HS3ST3A1: variants seen among roughly 807,000 people sequenced by gnomAD.
HS3ST3A1 encodes the protein heparan sulfate glucosamine 3-O-sulfotransferase 3A1.
HS3ST3A1 carries 19 observed loss-of-function variants against 25.7 expected under a neutral mutation model. The observed-to-expected ratio is 0.74, with a 90% CI of 0.52 to 1.08. The LOEUF is 1.08. Ranked by LOEUF, HS3ST3A1 falls within the 50% of genes least tolerant of loss-of-function variation. The pLI is 0.00. For missense variants in HS3ST3A1, 459 were observed against 594.3 expected (o/e 0.77, Z 2.37); for synonymous variants, 226 against 278.6 (o/e 0.81, Z 1.88).
At chr17:13,544,525 A>G (rs574494574) in intron 1 of HS3ST3A1, among the ~76,000 whole-genome samples, 2 of 152,260 alleles carry the variant, frequency 1.3e-5, no homozygotes, top group Non-Finnish European at 2.9e-5. Context: ...ATCACTTTTC[A>G]GGCCCTGCGC....
chr17:13,582,964 C>T (rs779184178), intron 1 of HS3ST3A1, among the ~76,000 whole-genome samples: 1 of 152,166 alleles, frequency 6.6e-6, no homozygotes, highest in African/African-American at 2.4e-5. Flanking sequence ...GAAGATGTTA[C>T]AGCCATTCAT....
At chr17:13,537,387 G>T (rs953078909) in intron 1 of HS3ST3A1, among the ~76,000 whole-genome samples, 3 of 152,122 alleles carry the variant, frequency 2.0e-5, no homozygotes, top group African/African-American at 4.8e-5. Flanking sequence ...CTTTCTATTT[G>T]GCAGGCTGCC....
At chr17:13,503,973 G>A (rs1478150206) in intron 1 of HS3ST3A1, among the ~76,000 whole-genome samples, 1 of 152,178 alleles carries the variant, frequency 6.6e-6, no homozygotes, top group Non-Finnish European at 1.5e-5. Flanking sequence ...ATAGACGCAC[G>A]TAGACACATA....
At chr17:13,599,798 T>G (rs1908671413) in intron 1 of HS3ST3A1, among the ~76,000 whole-genome samples, 1 of 152,246 alleles carries the variant, frequency 6.6e-6, no homozygotes, top group African/African-American at 2.4e-5. Context: ...TTTAATTGGC[T>G]ACCTTATTTG....
At chr17:13,586,072 C>T (rs778459270) in intron 1 of HS3ST3A1, among the ~76,000 whole-genome samples, 4 of 151,750 alleles carry the variant, frequency 2.6e-5, no homozygotes, top group Non-Finnish European at 5.9e-5. Flanking sequence ...TGGTCTTAAT[C>T]TCCTGACCTC....
In HS3ST3A1 at chr17:13,526,439, T is replaced by G. The variant is rs1598414383; in HGVS notation, c.600-29621A>C. ...AGGAAACACTTAAAGCAAAAATTTTTATTGCCATATTGAACTTGGATACAA... is the reference window on the plus strand; with the variant it reads ...AGGAAACACTTAAAGCAAAAATTTTGATTGCCATATTGAACTTGGATACAA... On this transcript the variant is annotated intron_variant, in intron 1 of 1. Coordinates refer to ENST00000284110, the MANE Select transcript of HS3ST3A1 (RefSeq NM_006042.3). Among the ~76,000 whole-genome samples the G allele has an allele frequency of 6.3e-5, 9 of 143,670 alleles. No individual in the cohort carries two copies. In the South Asian group the frequency reaches 2.0e-3, roughly 32 times the overall value. 94.3% of individuals were successfully genotyped at this position (143,670 alleles called of 152,430 possible). A position where few individuals can be genotyped will look rare whatever the true frequency, so the allele number is the denominator to read the frequency against.
intron 1 of HS3ST3A1, among the ~76,000 whole-genome samples, chr17:13,595,436 A>G (rs140325451): frequency 2.2e-3 from 340 of 152,334 alleles, no homozygotes; most frequent in Non-Finnish European, 4.3e-3. Flanking sequence ...TATTCACTAT[A>G]TAAATATCCC....
chr17:13,584,310 CAA>C (rs1160360464), intron 1 of HS3ST3A1, among the ~76,000 whole-genome samples: 1 of 151,658 alleles, frequency 6.6e-6, no homozygotes, highest in Non-Finnish European at 1.5e-5. Context: ...ATGCTTTTAC[CAA>C]AATGTTCACG....
At position 13,495,303 on chromosome 17, in the gene HS3ST3A1, T is replaced by C. The variant is rs1045717711; in HGVS notation, c.*894A>G. Among the ~76,000 whole-genome samples the C allele has an allele frequency of 6.6e-6, 1 of 152,162 alleles. No individual in the cohort carries two copies. Among genetic ancestry groups the C allele is most frequent in the Admixed American group, 6.5e-5 (1 of 15,274 alleles). ...GCATTCATCAGTCAAGATTTCCATA[T>C]CTCAGTGTACTTTAAATAGCCAAGA... On this transcript the variant is annotated 3_prime_UTR_variant, in exon 2 of 2. Transcript: ENST00000284110.
chr17:13,538,531 C>T (rs1906835189), intron 1 of HS3ST3A1, among the ~76,000 whole-genome samples: 1 of 152,168 alleles, frequency 6.6e-6, no homozygotes, highest in African/African-American at 2.4e-5. Context: ...TTGTGGGCCA[C>T]CTGTCCATGT....
At position 13,547,944 on chromosome 17, in the gene HS3ST3A1, CAAA is replaced by C. The variant is rs750200323; in HGVS notation, c.600-51129_600-51127del. Among the ~76,000 whole-genome samples the C allele has an allele frequency of 6.4e-3, 343 of 53,390 alleles. 4 individuals are homozygous for C. The highest frequency in any genetic ancestry group is 0.015 in the African/African-American group (297 of 19,866). 35.0% of individuals were successfully genotyped at this position (53,390 alleles called of 152,430 possible). A position where few individuals can be genotyped will look rare whatever the true frequency, so the allele number is the denominator to read the frequency against. On this transcript the variant is annotated intron_variant, in intron 1 of 1. Coordinates refer to ENST00000284110, the MANE Select transcript of HS3ST3A1 (RefSeq NM_006042.3). ...AGTTGGAGAATTGGTTGGTGTGAGC[CAAA>C]AAAAAAAAAAAAAAAACCACACGTT...
At chr17:13,536,299 CA>C (rs11422560) in intron 1 of HS3ST3A1, among the ~76,000 whole-genome samples, 484 of 142,268 alleles carry the variant, frequency 3.4e-3, no homozygotes, top group Middle Eastern at 0.012. Context: ...TGTTTGGAGA[CA>C]AAAAAAAAAA....
At chr17:13,547,943 C>CAAA (rs1567620537) in intron 1 of HS3ST3A1, among the ~76,000 whole-genome samples, 12 of 83,844 alleles carry the variant, frequency 1.4e-4, no homozygotes, top group African/African-American at 7.4e-4. Context: ...TTGGTGTGAG[C>CAAA]CAAAAAAAAA....
At position 13,495,104 on chromosome 17, in the gene HS3ST3A1, A is replaced by G. The variant is rs1248456525; in HGVS notation, c.*1093T>C. ...TAAAAAGAGGTAAACTAAAAAACAA[A>G]TGAGACTCATACCTGTAAGTGCTAA... is the stretch of plus-strand genomic sequence containing the variant. On this transcript the variant is annotated 3_prime_UTR_variant, in exon 2 of 2. Coordinates refer to ENST00000284110, the MANE Select transcript of HS3ST3A1 (RefSeq NM_006042.3). Among the ~76,000 whole-genome samples, 2 of 152,142 alleles carry G rather than the reference A, an allele frequency of 1.3e-5. No individual in the cohort carries two copies. The highest frequency in any genetic ancestry group is 2.9e-5 in the Non-Finnish European group (2 of 68,014).
intron 1 of HS3ST3A1, among the ~76,000 whole-genome samples, chr17:13,506,901 C>CAAA (rs958583882): frequency 4.0e-5 from 4 of 101,210 alleles, no homozygotes; most frequent in African/African-American, 1.4e-4. Context: ...TACTAAAATA[C>CAAA]AAAAAAAAAA....
At chr17:13,576,033 G>A (rs896348951) in intron 1 of HS3ST3A1, among the ~76,000 whole-genome samples, 1 of 152,178 alleles carries the variant, frequency 6.6e-6, no homozygotes, top group Admixed American at 6.6e-5. Flanking sequence ...GGTATTTCTG[G>A]GACTGAGGCC....
chr17:13,512,096 G>A (rs369431274), intron 1 of HS3ST3A1, among the ~76,000 whole-genome samples: 84 of 152,060 alleles, frequency 5.5e-4, no homozygotes, highest in East Asian at 4.6e-3. Flanking sequence ...TCAGGAGATC[G>A]AGACCATCCT....
intron 1 of HS3ST3A1, among the ~76,000 whole-genome samples, chr17:13,582,827 T>A (rs1260927709): frequency 6.6e-6 from 1 of 152,262 alleles, no homozygotes. Context: ...GATAATGCTG[T>A]AATACAGAGT....
intron 1 of HS3ST3A1, among the ~76,000 whole-genome samples, chr17:13,572,536 C>G (rs1907844354): frequency 6.6e-6 from 1 of 152,166 alleles, no homozygotes; most frequent in African/African-American, 2.4e-5. Context: ...TATGCGAGAG[C>G]TGCTACAGGG....
Sources: allele counts gnomAD v4.1 joint callset (sites outside exome capture counted in the v4.1 genomes callset), GRCh38; gene constraint gnomAD v4.1.1; transcripts MANE v1.5; gene names NCBI Gene and HGNC (gene_info 2026-07-23, HGNC 2026-07-21).